Variants in XRRA1 observed in about 807,000 individuals in gnomAD.
XRRA1 encodes the protein X-ray radiation resistance associated 1, also known as X-ray radiation resistance-associated protein 1.
Under a neutral mutation model 80.2 loss-of-function variants are expected in XRRA1, and 69 were observed. The observed-to-expected ratio is 0.86, with a 90% CI of 0.71 to 1.05. The LOEUF is 1.05. Ranked by LOEUF, XRRA1 falls within the 50% of genes least tolerant of loss-of-function variation. The probability of loss-of-function intolerance (pLI) is 0.00; values close to 1 mark genes in which losing one functional copy is unlikely to be tolerated. For missense variants in XRRA1, 967 were observed against 976.4 expected, an observed-to-expected ratio of 0.99 and a Z score of 0.13; for synonymous variants, 348 against 389.9, an observed-to-expected ratio of 0.89 and a Z score of 1.27.
chr11:74,906,956 A>T, intron 9 of XRRA1, 189 bp downstream of exon 9: 1 of 659,228 alleles, frequency 1.5e-6, no homozygotes, highest in Non-Finnish European at 2.5e-6. Flanking sequence ...AAATGTCCTC[A>T]CTCATGGCCA....
Position 74,848,432 on chromosome 11 carries a change from G to T in XRRA1, c.1411C>A (p.Gln471Lys). ...CGCGGGTGATGGAGCACCAGAGGCT[G>T]CTTCGGCACCTTTGGGATTTCGCTT... ...VKSEIPKVPK[Q>K]PLVLHHPRMT... Residue 471 changes from glutamine (Q) to lysine (K), a missense_variant, in exon 15 of 19, where the codon CAG becomes AAG. Transcript: ENST00000684022. 6.2e-7 allele frequency: 1 copy of T among 1,611,972 alleles called. No individual in the cohort carries two copies. Among genetic ancestry groups the T allele is most frequent in the African/African-American group, 1.3e-5 (1 of 74,982 alleles).
chr11:74,849,662 G>A (rs769203357), intron 14 of XRRA1, among the ~76,000 whole-genome samples: 10 of 152,104 alleles, frequency 6.6e-5, no homozygotes, highest in African/African-American at 1.9e-4. Context: ...TACTTTCCCC[G>A]CCCCCTCCCA....
At chr11:74,870,168 A>G (rs605954) in intron 10 of XRRA1, among the ~76,000 whole-genome samples, 123,424 of 152,214 alleles carry the variant, frequency 0.81, 50,204 homozygotes, top group African/African-American at 0.85. Flanking sequence ...AGACTTAGAC[A>G]ACAGGCTTGC....
chr11:74,868,383 A>G (rs967154774), intron 10 of XRRA1, among the ~76,000 whole-genome samples: 3 of 152,234 alleles, frequency 2.0e-5, no homozygotes, highest in Admixed American at 6.5e-5. Flanking sequence ...AGGGAGTGCT[A>G]AACTTGGAAA....
chr11:74,881,276 G>A (rs928897192), intron 10 of XRRA1, among the ~76,000 whole-genome samples: 8 of 151,384 alleles, frequency 5.3e-5, no homozygotes, highest in Admixed American at 1.3e-4. Flanking sequence ...CCGAGACTAG[G>A]ATTGCAACCC....
intron 10 of XRRA1, among the ~76,000 whole-genome samples, chr11:74,880,510 A>C (rs1349616876): frequency 6.8e-6 from 1 of 147,512 alleles, no homozygotes; most frequent in South Asian, 2.2e-4. Context: ...CTAGCTTTTG[A>C]ATGTGTTTGC....
chr11:74,907,332 C>T, intron 8 of XRRA1, 59 bp from the exon 9 acceptor site: 2 of 1,600,860 alleles, frequency 1.2e-6, no homozygotes, highest in Non-Finnish European at 1.7e-6. Flanking sequence ...CCACCATTCC[C>T]AGGAAGCCAT....
chr11:74,912,914 T>A (rs532207804), intron 8 of XRRA1, among the ~76,000 whole-genome samples: 5 of 152,300 alleles, frequency 3.3e-5, no homozygotes, highest in African/African-American at 1.2e-4. Context: ...TACTGAACAG[T>A]GCTAAATTAG....
Position 74,882,386 on chromosome 11 carries a change from T to C in XRRA1, c.1004-19365A>G, listed in dbSNP as rs555254791. On this transcript the variant is annotated intron_variant, in intron 10 of 18. Coordinates refer to ENST00000684022, the MANE Select transcript of XRRA1 (RefSeq NM_001378157.1). The stretch of plus-strand genomic sequence containing the variant: ...CAGCTCCTTTAAGCACTTCTCTGTA[T>C]TGGTTATTCTAGTTATACATTCTTC... Among the ~76,000 whole-genome samples the C allele has an allele frequency of 3.3e-5, 5 of 151,366 alleles. No individual in the cohort carries two copies. The South Asian group carries it at 1.0e-3, about 32-fold the overall frequency.
chr11:74,851,137 A>C lies in XRRA1; in HGVS notation c.1331T>G (p.Ile444Arg). 2.5e-6 allele frequency: 4 copies of C among 1,613,084 alleles called. No individual in the cohort carries two copies. Among genetic ancestry groups the C allele is most frequent in the Non-Finnish European group, 3.4e-6 (4 of 1,179,338 alleles). ...RLGIHLIRRK[I>R]VKPKHHVLMS... ...CAAAACATGATGCTTAGGCTTTACT[A>C]TCTTCCTTCGAATTAAGTGGATTCC... Residue 444 changes from isoleucine (I) to arginine (R), a missense_variant, in exon 14 of 19, where the codon ATA becomes AGA. Physicochemically the swap from Ile to Arg is moderately conservative, Grantham distance 97 (BLOSUM62 -3). Coordinates refer to ENST00000684022, the MANE Select transcript of XRRA1 (RefSeq NM_001378157.1).
intron 8 of XRRA1, among the ~76,000 whole-genome samples, chr11:74,910,555 T>C (rs1236881086): frequency 1.3e-5 from 2 of 152,074 alleles, no homozygotes; most frequent in South Asian, 2.1e-4. Context: ...ATGAGGTATA[T>C]GATGAATGGA....
chr11:74,908,212 G>C (rs981404356), intron 8 of XRRA1, among the ~76,000 whole-genome samples: 1 of 152,206 alleles, frequency 6.6e-6, no homozygotes, highest in African/African-American at 2.4e-5. Flanking sequence ...TGTTTTGTAT[G>C]TGTTATCCAA....
rs1198634281 is a variant in XRRA1, at chr11:74,851,105, G to A, written c.1363C>T (p.Arg455Trp). Reference protein sequence around the residue: ...VKPKHHVLMSRKESWKVKSEI... With the variant: ...VKPKHHVLMSWKESWKVKSEI... ...AGCCCTACCTTCCATGATTCCTTCCGAGACATCAAAACATGATGCTTAGGC... is the reference window on the plus strand; with the variant it reads ...AGCCCTACCTTCCATGATTCCTTCCAAGACATCAAAACATGATGCTTAGGC... The change falls in exon 14 of 19, where the codon CGG (arginine) becomes TGG (tryptophan). Residue 455 changes from arginine to tryptophan, a missense_variant. By Grantham distance (101) the Arg-to-Trp change is moderately radical. Transcript: ENST00000684022. The A allele has an allele frequency of 6.2e-6, 10 of 1,611,196 alleles. No homozygotes were observed. The Admixed American group carries it at 6.7e-5, about 11-fold the overall frequency.
At chr11:74,942,179 C>T (rs1177514432) in intron 2 of XRRA1, among the ~76,000 whole-genome samples, 3 of 151,780 alleles carry the variant, frequency 2.0e-5, no homozygotes, top group South Asian at 2.1e-4. Flanking sequence ...GTAGGAGAAC[C>T]GGGGGGTGGA....
intron 7 of XRRA1, among the ~76,000 whole-genome samples, chr11:74,922,528 A>G (rs935482459): frequency 6.6e-6 from 1 of 151,874 alleles, no homozygotes; most frequent in Admixed American, 6.6e-5. Context: ...CCCTTCCATC[A>G]CCCCTATTTC....
intron 12 of XRRA1, among the ~76,000 whole-genome samples, chr11:74,852,621 T>C (rs1351308708): frequency 6.6e-6 from 1 of 152,158 alleles, no homozygotes; most frequent in Non-Finnish European, 1.5e-5. Flanking sequence ...ATCTAAGGGA[T>C]AAGTAGAGCC....
At chr11:74,865,638 C>A (rs1377469814) in intron 10 of XRRA1, among the ~76,000 whole-genome samples, 1 of 152,212 alleles carries the variant, frequency 6.6e-6, no homozygotes, top group African/African-American at 2.4e-5. Context: ...GTGACATACA[C>A]CTGTCTAAGC....
intron 10 of XRRA1, among the ~76,000 whole-genome samples, chr11:74,883,687 C>G (rs376294108): frequency 6.6e-6 from 1 of 152,158 alleles, no homozygotes; most frequent in South Asian, 2.1e-4. Context: ...TAGATCAACT[C>G]CAGAAGGAGC....
At chr11:74,879,860 G>A (rs1437064524) in intron 10 of XRRA1, among the ~76,000 whole-genome samples, 7 of 151,796 alleles carry the variant, frequency 4.6e-5, no homozygotes, top group Non-Finnish European at 1.0e-4. Flanking sequence ...TGCTGGATTC[G>A]TTTTGTCAGT....
Sources: gnomAD v4.1 joint callset for allele counts (sites outside exome capture counted in the v4.1 genomes callset) on GRCh38, gnomAD v4.1.1 for gene constraint, MANE v1.5 for transcripts, NCBI Gene and HGNC (gene_info 2026-07-23, HGNC 2026-07-21) for gene names.